TP53BP2: variants seen among roughly 807,000 people sequenced by gnomAD.
TP53BP2 encodes apoptosis-stimulating of p53 protein 2.
TP53BP2 carries 62 observed loss-of-function variants against 126.2 expected under a neutral mutation model. The ratio of observed to expected loss-of-function variants is 0.49; its 90% CI spans 0.40 to 0.61. The LOEUF (loss-of-function observed/expected upper bound fraction) is 0.61. Ranked by LOEUF, TP53BP2 falls within the 20% of genes least tolerant of loss-of-function variation. The pLI is 0.00. For synonymous variants in TP53BP2, 485 were observed against 502.9 expected (o/e 0.96, Z 0.48); for missense variants, 1,215 against 1,402.8 (o/e 0.87, Z 2.14).
chr1:223,831,261 G>C (rs1196537489), intron 1 of TP53BP2, among the ~76,000 whole-genome samples: 2 of 148,322 alleles, frequency 1.3e-5, no homozygotes, highest in Non-Finnish European at 3.0e-5. Flanking sequence ...CGGTGTGGTA[G>C]CATGTACCTG....
At position 223,845,708 on chromosome 1, in the gene TP53BP2, G is replaced by C. The variant is rs1326805030; in HGVS notation, c.-28C>G. 2.0e-6 allele frequency: 3 copies of C among 1,531,538 alleles called. No individual in the cohort carries two copies. The highest frequency in any genetic ancestry group is 2.9e-5 in the African/African-American group (2 of 69,954). The allele number at this position is 1,531,538 out of a possible 1,614,324, so 94.9% of individuals were successfully genotyped here. On this transcript the variant is annotated 5_prime_UTR_variant, in exon 1 of 18. Coordinates refer to ENST00000343537, the MANE Select transcript of TP53BP2 (RefSeq NM_001031685.3). The stretch of plus-strand genomic sequence containing the variant: ...AAGCGGGTGGCCAGACTGCGGCCCC[G>C]GCCGAGCTGAGGTGCCCCGGAGGGT...
chr1:223,786,581 C>CATGTGTGTGT lies in TP53BP2; in HGVS notation c.3164-2268_3164-2267insACACACACAT, dbSNP rs1553258004. ...ATATATGTGTGTGTGTGCGTGTGTG[C>CATGTGTGTGT]GTGTGTGTGTGTGTGTGTGTGTGTG... On this transcript the variant is annotated intron_variant, in intron 16 of 17. Coordinates refer to ENST00000343537, the MANE Select transcript of TP53BP2 (RefSeq NM_001031685.3). Among the ~76,000 whole-genome samples the CATGTGTGTGT allele has an allele frequency of 2.0e-3, 285 of 144,582 alleles. 2 individuals carry two copies. Among genetic ancestry groups the CATGTGTGTGT allele is most frequent in the African/African-American group, 6.9e-3 (270 of 38,990 alleles). The allele number at this position is 144,582 out of a possible 152,430, so 94.9% of individuals were successfully genotyped here. A position where few individuals can be genotyped will look rare whatever the true frequency, so the allele number is the denominator to read the frequency against.
In TP53BP2 at chr1:223,821,134, A is replaced by G. The variant is rs1268477923; in HGVS notation, c.175+86T>C. The G allele has an allele frequency of 1.9e-6, 3 of 1,539,926 alleles. No individual in the cohort carries two copies. The South Asian group carries it at 3.5e-5, about 18-fold the overall frequency. ...TTCTCCAGTTTCTCCCCGGAGAAAC[A>G]TGAGCATTCACACAGTGCCACGTCT... is the stretch of plus-strand genomic sequence containing the variant. On this transcript the variant is annotated intron_variant, in intron 2 of 17. Transcript: ENST00000343537.
At position 223,784,216 on chromosome 1, in the gene TP53BP2, C is replaced by T. The variant is rs199555395; in HGVS notation, c.3262G>A (p.Asp1088Asn). The part of the protein sequence containing the change: ...NDDELPMKEG[D>N]CMTIIHREDE... The stretch of plus-strand genomic sequence containing the variant: ...TCCCTGTGGATGATTGTCATGCAGT[C>T]TCCTTCTTTCATGGGCAGCTCATCA... Residue 1088 changes from aspartate to asparagine, a missense_variant, in exon 17 of 18, where the codon GAC becomes AAC. This residue lies in a region of TP53BP2 where 151 missense variants were observed against 231.2 expected (regional missense o/e 0.65). Transcript: ENST00000343537. The T allele has an allele frequency of 3.7e-5, 59 of 1,614,064 alleles. No homozygotes were observed. Among genetic ancestry groups the T allele is most frequent in the Non-Finnish European group, 5.0e-5 (59 of 1,180,038 alleles).
At chr1:223,809,167 A>G (rs926654836) in intron 4 of TP53BP2, among the ~76,000 whole-genome samples, 1 of 152,074 alleles carries the variant, frequency 6.6e-6, no homozygotes, top group Non-Finnish European at 1.5e-5. Flanking sequence ...CTCAGCCTCT[A>G]GTTGGTGGAG....
intron 13 of TP53BP2, among the ~76,000 whole-genome samples, chr1:223,793,855 C>CA (rs1433440073): frequency 6.6e-6 from 1 of 152,174 alleles, no homozygotes; most frequent in East Asian, 1.9e-4. Context: ...AAGTGAGCAA[C>CA]AGCACAGCCC....
At chr1:223,819,555 G>A (rs1355433329) in intron 2 of TP53BP2, among the ~76,000 whole-genome samples, 1 of 151,510 alleles carries the variant, frequency 6.6e-6, no homozygotes, top group African/African-American at 2.4e-5. Context: ...GCATGGGGGC[G>A]GGTGCCTGTA....
intron 1 of TP53BP2, among the ~76,000 whole-genome samples, chr1:223,831,278 G>A (rs1379784521): frequency 4.1e-5 from 6 of 146,418 alleles, no homozygotes; most frequent in South Asian, 2.2e-4. Context: ...CCTGTAGTCC[G>A]TCCTAGCTAC....
chr1:223,821,392 G>A, intron 1 of TP53BP2, 25 bp from the exon 2 acceptor site: 1 of 1,613,652 alleles, frequency 6.2e-7, no homozygotes, highest in East Asian at 2.2e-5. Context: ...AGAAACACAT[G>A]GTTACTGGTA....
At chr1:223,787,131 A>G (rs1344951898) in intron 16 of TP53BP2, among the ~76,000 whole-genome samples, 3 of 150,862 alleles carry the variant, frequency 2.0e-5, no homozygotes, top group Admixed American at 2.0e-4. Flanking sequence ...TCTGACCTCA[A>G]GAGATCCACC....
At chr1:223,791,230 C>G (rs1236458518) in intron 15 of TP53BP2, among the ~76,000 whole-genome samples, 3 of 151,488 alleles carry the variant, frequency 2.0e-5, no homozygotes, top group Admixed American at 1.3e-4. Flanking sequence ...AGTTCGAGAC[C>G]AACCTGGGCA....
intron 9 of TP53BP2, 173 bp downstream of exon 9, chr1:223,801,943 A>G: frequency 1.8e-6 from 1 of 565,452 alleles, no homozygotes; most frequent in Non-Finnish European, 3.0e-6. Flanking sequence ...TCCTTGTACA[A>G]CCAGGGTATC....
chr1:223,795,394 A>G (rs375208396), intron 13 of TP53BP2, among the ~76,000 whole-genome samples: 1 of 152,180 alleles, frequency 6.6e-6, no homozygotes, highest in South Asian at 2.1e-4. Context: ...TCATTTTTTA[A>G]AATTTCACTG....
intron 3 of TP53BP2, among the ~76,000 whole-genome samples, chr1:223,813,648 T>G (rs1165230790): frequency 1.3e-5 from 2 of 152,198 alleles, no homozygotes; most frequent in African/African-American, 4.8e-5. Flanking sequence ...TTTTCTTCTC[T>G]TCTTACAACC....
intron 5 of TP53BP2, among the ~76,000 whole-genome samples, chr1:223,806,541 C>T (rs1316369160): frequency 6.6e-6 from 1 of 152,066 alleles, no homozygotes; most frequent in East Asian, 1.9e-4. Flanking sequence ...AAGATACTAC[C>T]AGCCGGGCAC....
In TP53BP2 at chr1:223,784,102, C is replaced by G. The variant is rs866662391; in HGVS notation, c.3363+13G>C. 1.2e-5 allele frequency: 20 copies of G among 1,613,444 alleles called. No individual in the cohort carries two copies. The Middle Eastern group carries it at 3.3e-3, about 266-fold the overall frequency. On this transcript the variant is annotated intron_variant, in intron 17 of 17. Coordinates refer to ENST00000343537, the MANE Select transcript of TP53BP2 (RefSeq NM_001031685.3). ...GCACATATGAAAACACCGTAAGCGT[C>G]AGAATAACTTACTCCCAGCAAGTTA... is the stretch of plus-strand genomic sequence containing the variant.
At chr1:223,806,660 C>T (rs1333821710) in intron 5 of TP53BP2, among the ~76,000 whole-genome samples, 186 bp downstream of exon 5, 2 of 152,126 alleles carry the variant, frequency 1.3e-5, no homozygotes, top group African/African-American at 4.8e-5. Context: ...CCCATCTCTA[C>T]AAAACATACA....
Position 223,798,278 on chromosome 1 carries a change from A to G in TP53BP2, c.1885T>C (p.Phe629Leu). The stretch of plus-strand genomic sequence containing the variant: ...AACGCGCTCTGCACAGCCTGCTGGA[A>G]GTTTTTTCCTGGCGCCTGCTGTTGC... ...YTQQQAPGKN[F>L]QQAVQSALTK... is the part of the protein sequence containing the mutation. Residue 629 changes from phenylalanine to leucine, a missense_variant, in exon 12 of 18, where the codon TTC (phenylalanine) becomes CTC (leucine). Coordinates refer to ENST00000343537, the MANE Select transcript of TP53BP2 (RefSeq NM_001031685.3). 1 of 1,614,150 alleles carries G rather than the reference A, an allele frequency of 6.2e-7. No homozygotes were observed.
At position 223,788,679 on chromosome 1, in the gene TP53BP2, G is replaced by T. The variant is rs61333093; in HGVS notation, c.3163+329C>A. 1.2e-4 allele frequency among the ~76,000 whole-genome samples: 18 copies of T among 152,212 alleles called. No homozygotes were observed. In the East Asian group the frequency reaches 3.1e-3, roughly 26 times the overall value. On this transcript the variant is annotated intron_variant, in intron 16 of 17. Transcript: ENST00000343537. ...TTGATCATGTTGTTAGGAGAGGGGG[G>T]TCTGTTTACTTATTTGCAAGGATAC...
Sources: gnomAD v4.1 joint callset for allele counts (sites outside exome capture counted in the v4.1 genomes callset) on GRCh38, gnomAD v4.1.1 for gene constraint, gnomAD v4.1.1 regional missense constraint, MANE v1.5 for transcripts, NCBI Gene and HGNC (gene_info 2026-07-23, HGNC 2026-07-21) for gene names.